The following MGAT4A variants were observed in gnomAD, a reference collection of about 807,000 sequenced individuals.
MGAT4A encodes N-acetylglucosaminyltransferase IVa.
Under a neutral mutation model 74.1 loss-of-function variants are expected in MGAT4A, and 33 were observed. The observed-to-expected ratio is 0.45, with a 90% CI of 0.34 to 0.60. The LOEUF (loss-of-function observed/expected upper bound fraction) is 0.60. Among genes scored for constraint, MGAT4A ranks in the 20% least tolerant of loss-of-function variants. The pLI is 0.02. For missense variants in MGAT4A, 479 were observed against 628.3 expected, an observed-to-expected ratio of 0.76 and a Z score of 2.54; for synonymous variants, 198 against 210.4, an observed-to-expected ratio of 0.94 and a Z score of 0.51.
intron 2 of MGAT4A, among the ~76,000 whole-genome samples, chr2:98,711,296 G>A (rs1205790358): frequency 1.4e-5 from 2 of 143,084 alleles, no homozygotes; most frequent in Admixed American, 7.0e-5. Context: ...CAGACAACAA[G>A]TAACCTAGAT....
intron 2 of MGAT4A, among the ~76,000 whole-genome samples, chr2:98,705,667 G>A (rs1181922974): frequency 3.3e-5 from 5 of 152,176 alleles, no homozygotes; most frequent in Non-Finnish European, 5.9e-5. Flanking sequence ...TAACAGGCCG[G>A]GCGCGGTGGC....
chr2:98,624,480 T>C lies in MGAT4A; in HGVS notation c.*1086A>G. 1 of 972,936 alleles carries C rather than the reference T, an allele frequency of 1.0e-6. No homozygotes were observed. Among genetic ancestry groups the C allele is most frequent in the Admixed American group, 6.1e-5 (1 of 16,262 alleles). The allele number at this position is 972,936 out of a possible 1,614,324, so 60.3% of individuals were successfully genotyped here. Reference sequence around the variant, plus strand: ...ATCAGTTCATACTACAATAAAATCATTTTGGAAAATATACTACTAATAATA... The same window carrying C: ...ATCAGTTCATACTACAATAAAATCACTTTGGAAAATATACTACTAATAATA... On this transcript the variant is annotated 3_prime_UTR_variant, in exon 16 of 16. Transcript: ENST00000393487.
At chr2:98,703,160 C>T (rs77755191) in intron 2 of MGAT4A, among the ~76,000 whole-genome samples, 5,310 of 152,102 alleles carry the variant, frequency 0.035, 139 homozygotes, top group Non-Finnish European at 0.054. Flanking sequence ...AACTAAAGGA[C>T]CATGTGAGGA....
At chr2:98,701,557 A>G (rs755354978) in intron 2 of MGAT4A, among the ~76,000 whole-genome samples, 7 of 152,252 alleles carry the variant, frequency 4.6e-5, no homozygotes, top group Non-Finnish European at 1.0e-4. Flanking sequence ...CAGCACATGT[A>G]CTGCTTAAGA....
intron 4 of MGAT4A, among the ~76,000 whole-genome samples, chr2:98,672,483 G>A (rs1321679805): frequency 3.9e-5 from 6 of 152,196 alleles, no homozygotes; most frequent in African/African-American, 1.2e-4. Flanking sequence ...CGTTTTGGTA[G>A]ATAACCCAAT....
chr2:98,632,850 G>A (rs1268517759), intron 14 of MGAT4A, among the ~76,000 whole-genome samples: 1 of 152,164 alleles, frequency 6.6e-6, no homozygotes, highest in Non-Finnish European at 1.5e-5. Context: ...CACCTCCTGC[G>A]TTGGGTTCAA....
intron 2 of MGAT4A, among the ~76,000 whole-genome samples, chr2:98,698,737 A>G (rs1575274248): frequency 6.6e-6 from 1 of 152,074 alleles, no homozygotes; most frequent in Non-Finnish European, 1.5e-5. Context: ...CCCACTTACT[A>G]TGAGTTTCAT....
intron 2 of MGAT4A, among the ~76,000 whole-genome samples, chr2:98,714,340 G>C (rs533979108): frequency 6.6e-6 from 1 of 152,320 alleles, no homozygotes; most frequent in African/African-American, 2.4e-5. Context: ...ACCTGCCTCA[G>C]CCTCCCAAAG....
rs868036182 is a variant in MGAT4A, at chr2:98,687,195, T to C, written c.95-8724A>G. 1.3e-4 allele frequency among the ~76,000 whole-genome samples: 20 copies of C among 152,338 alleles called. 1 individual carries two copies. In the South Asian group the frequency reaches 4.1e-3, roughly 32 times the overall value. ...TTGTATTCTGAAAGCTATAATGCGC[T>C]GTATTTTCCTATGAAGAATCCTCAA... On this transcript the variant is annotated intron_variant, in intron 2 of 15. Coordinates refer to ENST00000393487, the MANE Select transcript of MGAT4A (RefSeq NM_012214.3).
chr2:98,622,675 C>T lies in MGAT4A; in HGVS notation c.*2891G>A. The T allele has an allele frequency of 2.0e-6, 2 of 985,582 alleles. No homozygotes were observed. The highest frequency in any genetic ancestry group is 2.4e-6 in the Non-Finnish European group (2 of 830,082). The allele number at this position is 985,582 out of a possible 1,614,324, so 61.1% of individuals were successfully genotyped here. ...TGGGCAGAAAGGAGGGAGTAACTAA[C>T]AGTGAGAGGCCCTGAGCACCCACCA... is the stretch of plus-strand genomic sequence containing the variant. On this transcript the variant is annotated 3_prime_UTR_variant, in exon 16 of 16. Transcript: ENST00000393487.
Position 98,623,034 on chromosome 2 carries a change from G to T in MGAT4A, c.*2532C>A. ...CCCTGTCTCAAAAATAATACAAAAT[G>T]ATAAAAAGAGAAAGAGGAGGGCAGG... is the stretch of plus-strand genomic sequence containing the variant. On this transcript the variant is annotated 3_prime_UTR_variant, in exon 16 of 16. Coordinates refer to ENST00000393487, the MANE Select transcript of MGAT4A (RefSeq NM_012214.3). 1.0e-6 allele frequency: 1 copy of T among 985,366 alleles called. No individual in the cohort carries two copies. Among genetic ancestry groups the T allele is most frequent in the Non-Finnish European group, 1.2e-6 (1 of 830,108 alleles). 61.0% of individuals were successfully genotyped at this position (985,366 alleles called of 1,614,324 possible).
chr2:98,663,330 C>T (rs1474923042), intron 4 of MGAT4A, 151 bp from the exon 5 acceptor site: 2 of 1,527,176 alleles, frequency 1.3e-6, no homozygotes, highest in East Asian at 2.5e-5. Context: ...ATAAAGAATA[C>T]AAGGGCATAC....
At chr2:98,698,661 G>C (rs993285833) in intron 2 of MGAT4A, among the ~76,000 whole-genome samples, 12 of 151,942 alleles carry the variant, frequency 7.9e-5, no homozygotes, top group Admixed American at 5.9e-4. Flanking sequence ...TCTCCAACAT[G>C]ATCTCCTCAC....
At chr2:98,691,838 G>A (rs761289052) in intron 2 of MGAT4A, among the ~76,000 whole-genome samples, 12 of 152,158 alleles carry the variant, frequency 7.9e-5, no homozygotes, top group East Asian at 1.9e-4. Flanking sequence ...GACAAGATGC[G>A]GAGGTGGAAG....
At chr2:98,712,780 A>G (rs1276981308) in intron 2 of MGAT4A, among the ~76,000 whole-genome samples, 1 of 152,236 alleles carries the variant, frequency 6.6e-6, no homozygotes, top group Admixed American at 6.5e-5. Flanking sequence ...GCTGGAAACA[A>G]ACTTTACCAA....
intron 4 of MGAT4A, among the ~76,000 whole-genome samples, chr2:98,671,924 C>T (rs1409685635): frequency 1.5e-5 from 1 of 64,684 alleles, no homozygotes; most frequent in Non-Finnish European, 2.7e-5. Context: ...GAAGAGGCCA[C>T]AAAGTAATGT....
intron 1 of MGAT4A, among the ~76,000 whole-genome samples, chr2:98,729,686 T>C (rs554577383): frequency 1.3e-5 from 2 of 152,350 alleles, no homozygotes; most frequent in East Asian, 3.8e-4. Flanking sequence ...ACAAAACCTT[T>C]ACTTATTTTA....
chr2:98,720,623 A>AGTGTGT (rs57302536), intron 2 of MGAT4A, among the ~76,000 whole-genome samples: 4 of 150,884 alleles, frequency 2.7e-5, no homozygotes, highest in East Asian at 3.9e-4. Context: ...CATGTGTTTG[A>AGTGTGT]GTGTGTGTGT....
intron 14 of MGAT4A, 38 bp from the exon 15 acceptor site, chr2:98,625,873 G>T: frequency 1.4e-6 from 2 of 1,431,358 alleles, no homozygotes; most frequent in Non-Finnish European, 2.0e-6. Flanking sequence ...GATACACCGA[G>T]ATAAGCAAAC....
Sources: gnomAD v4.1 joint callset for allele counts (sites outside exome capture counted in the v4.1 genomes callset) on GRCh38, gnomAD v4.1.1 for gene constraint, MANE v1.5 for transcripts, NCBI Gene and HGNC (gene_info 2026-07-23, HGNC 2026-07-21) for gene names.